Variants in ZNF761 observed in about 807,000 individuals in gnomAD.
ZNF761 encodes the protein zinc finger protein 761.
Under a neutral mutation model 59.9 loss-of-function variants are expected in ZNF761, and 43 were observed. That is an observed-to-expected ratio of 0.72 (90% CI 0.56 to 0.92). The LOEUF (loss-of-function observed/expected upper bound fraction) is 0.92. ZNF761 is among the 40% of genes least tolerant of loss of function. The pLI is 0.00. For synonymous variants in ZNF761, 294 were observed against 304.8 expected, an observed-to-expected ratio of 0.96 and a Z score of 0.37; for missense variants, 850 against 906.1, an observed-to-expected ratio of 0.94 and a Z score of 0.79.
intron 1 of ZNF761, among the ~76,000 whole-genome samples, chr19:53,438,471 G>A (rs1329052205): frequency 1.3e-5 from 2 of 152,208 alleles, no homozygotes; most frequent in African/African-American, 4.8e-5. Flanking sequence ...TGAACATATA[G>A]AAAGACTTAG....
At position 53,457,089 on chromosome 19, in the gene ZNF761, G is replaced by T; in HGVS notation, c.*341G>T. ...GAAACCTTACCAGTGTAATGAGTGT[G>T]GCAAAGCCTTTAGTAGGCAGTCAAC... On this transcript the variant is annotated 3_prime_UTR_variant, in exon 5 of 5. Transcript: ENST00000684525. 1 of 607,834 alleles carries T rather than the reference G, an allele frequency of 1.6e-6. No individual in the cohort carries two copies. The highest frequency in any genetic ancestry group is 2.9e-6 in the Non-Finnish European group (1 of 343,022). 37.7% of individuals were successfully genotyped at this position (607,834 alleles called of 1,614,324 possible). A position where few individuals can be genotyped will look rare whatever the true frequency, so the allele number is the denominator to read the frequency against.
rs1332530941 is a variant in ZNF761 at position 53,447,403 on chromosome 19, C to G, written c.15+120C>G. ...GCCTGACAGGTTTGCTCACATTCAC[C>G]CATGCCTTCCCTCAGTCCCTCTTAT... On this transcript the variant is annotated intron_variant, in intron 3 of 4. Transcript: ENST00000684525. The G allele has an allele frequency of 2.2e-6, 3 of 1,340,304 alleles. No individual in the cohort carries two copies. The African/African-American group carries it at 4.3e-5, about 19-fold the overall frequency. The allele number at this position is 1,340,304 out of a possible 1,614,324, so 83.0% of individuals were successfully genotyped here.
intron 1 of ZNF761, among the ~76,000 whole-genome samples, chr19:53,438,291 G>A (rs1222886224): frequency 6.6e-6 from 1 of 152,228 alleles, no homozygotes; most frequent in African/African-American, 2.4e-5. Flanking sequence ...TGCTGTCCTA[G>A]AGTTAATTTG....
chr19:53,453,987 T>G (rs2086242601), intron 4 of ZNF761, among the ~76,000 whole-genome samples: 1 of 152,200 alleles, frequency 6.6e-6, no homozygotes, highest in South Asian at 2.1e-4. Context: ...ACTTTTTTTT[T>G]TTTTGAGGTA....
In ZNF761 at chr19:53,456,761, G is replaced by C. The variant is rs1265494695; in HGVS notation, c.*13G>C. 1 of 1,612,480 alleles carries C rather than the reference G, an allele frequency of 6.2e-7. No individual in the cohort carries two copies. Among genetic ancestry groups the C allele is most frequent in the Non-Finnish European group, 8.5e-7 (1 of 1,178,940 alleles). ...AAAACAAGTGTAATGAATGTGGTGA[G>C]GTTTTTAATCAACAAGCACACCTTG... On this transcript the variant is annotated 3_prime_UTR_variant, in exon 5 of 5. Transcript: ENST00000684525.
chr19:53,433,258 G>A (rs79030195), intron 1 of ZNF761, among the ~76,000 whole-genome samples: 8,042 of 152,222 alleles, frequency 0.053, 233 homozygotes, highest in Middle Eastern at 0.12. Flanking sequence ...CAGAATAAAA[G>A]CAGTTAATCA....
At chr19:53,447,657 A>G (rs1414622299) in intron 3 of ZNF761, among the ~76,000 whole-genome samples, 1 of 152,178 alleles carries the variant, frequency 6.6e-6, no homozygotes, top group Non-Finnish European at 1.5e-5. Flanking sequence ...TCATGTATTC[A>G]TGTGCACAAA....
In ZNF761 at chr19:53,441,838, T is replaced by C. The variant is rs2086104278; in HGVS notation, c.-184-4389T>C. On this transcript the variant is annotated intron_variant, in intron 1 of 4. Transcript: ENST00000684525. ...CGAGTGGAGGAAGGAGGAACCGGAG[T>C]GTGAGCAGTAGCTGGGTGGGCAGCA... The C allele has an allele frequency of 2.7e-6, 4 of 1,504,494 alleles. No individual in the cohort carries two copies. The South Asian group carries it at 3.4e-5, about 13-fold the overall frequency. 93.2% of individuals were successfully genotyped at this position (1,504,494 alleles called of 1,614,324 possible).
rs1413894085 is a variant in ZNF761 at position 53,448,263 on chromosome 19, A to G, written c.15+980A>G. The stretch of plus-strand genomic sequence containing the variant: ...GGTGATCTGCCCACCGCAGTCTCCC[A>G]GAGTGCTGGGATTACAGGTGTGAGG... On this transcript the variant is annotated intron_variant, in intron 3 of 4. Coordinates refer to ENST00000684525, the MANE Select transcript of ZNF761 (RefSeq NM_001289951.2). 3.9e-5 allele frequency among the ~76,000 whole-genome samples: 6 copies of G among 152,368 alleles called. 1 individual carries two copies. The East Asian group carries it at 1.2e-3, about 29-fold the overall frequency.
At chr19:53,436,151 G>A (rs2086039752) in intron 1 of ZNF761, among the ~76,000 whole-genome samples, 2 of 152,160 alleles carry the variant, frequency 1.3e-5, no homozygotes, top group South Asian at 4.1e-4. Flanking sequence ...TCAGCTGACT[G>A]TGGTGGACCT....
chr19:53,455,024 T>C lies in ZNF761; in HGVS notation c.517T>C (p.Leu173=). ...QVVKSVHDAS[L]VSTAQRISCR... ...TGTGAAGTCTGTCCACGATGCTTCCTTGGTTTCAACAGCCCAAAGAATTTC... is the reference window on the plus strand; with the variant it reads ...TGTGAAGTCTGTCCACGATGCTTCCCTGGTTTCAACAGCCCAAAGAATTTC... The change falls in exon 5 of 5, where the codon TTG becomes CTG. Residue 173 remains leucine, a synonymous_variant. Transcript: ENST00000684525. 1 of 1,614,176 alleles carries C rather than the reference T, an allele frequency of 6.2e-7. No homozygotes were observed. The highest frequency in any genetic ancestry group is 8.5e-7 in the Non-Finnish European group (1 of 1,180,030).
At chr19:53,435,814 C>T (rs1031764963) in intron 1 of ZNF761, among the ~76,000 whole-genome samples, 2 of 152,018 alleles carry the variant, frequency 1.3e-5, no homozygotes, top group African/African-American at 2.4e-5. Context: ...AGGGCCTTGC[C>T]TGGCAGAGGA....
In ZNF761 at chr19:53,455,348, CAG is replaced by C. The variant is rs773490563; in HGVS notation, c.843_844del (p.Gln281HisfsTer9). On this transcript the variant is annotated frameshift_variant, in exon 5 of 5. Coordinates refer to ENST00000684525, the MANE Select transcript of ZNF761 (RefSeq NM_001289951.2). LOFTEE classifies it high-confidence loss of function. Reference sequence around the variant, plus strand: ...TAATGAGTGTGGCAAGACCTTCAGTCAGACGTCATCCCTTACATGCCATCGTA... The same window carrying C: ...TAATGAGTGTGGCAAGACCTTCAGTCACGTCATCCCTTACATGCCATCGTA... ...KCNECGKTFS[Q>X]TSSLTCHRRL... 1 of 1,614,194 alleles carries C rather than the reference CAG, an allele frequency of 6.2e-7. No individual in the cohort carries two copies. The highest frequency in any genetic ancestry group is 1.3e-5 in the African/African-American group (1 of 75,040).
chr19:53,439,440 G>T (rs1454697002), intron 1 of ZNF761, among the ~76,000 whole-genome samples: 1 of 151,936 alleles, frequency 6.6e-6, no homozygotes, highest in Non-Finnish European at 1.5e-5. Context: ...CGAATAGGTG[G>T]GACCACAGGC....
intron 1 of ZNF761, among the ~76,000 whole-genome samples, chr19:53,433,255 A>G (rs1568796455): frequency 1.3e-5 from 2 of 152,202 alleles, no homozygotes; most frequent in Non-Finnish European, 1.5e-5. Context: ...AAGCAGAATA[A>G]AAGCAGTTAA....
chr19:53,455,090 A>C lies in ZNF761; in HGVS notation c.583A>C (p.Asn195His). The C allele has an allele frequency of 1.2e-6, 2 of 1,614,184 alleles. No homozygotes were observed. The highest frequency in any genetic ancestry group is 1.7e-6 in the Non-Finnish European group (2 of 1,180,036). Residue 195 changes from asparagine (N) to histidine (H), a missense_variant, in exon 5 of 5, where the codon AAT (asparagine) becomes CAT (histidine). Physicochemically the swap from Asn to His is moderately conservative, Grantham distance 68. Coordinates refer to ENST00000684525, the MANE Select transcript of ZNF761 (RefSeq NM_001289951.2). ...CCATATATCTAATAACCATGGGAAT[A>C]ATTTCTGGAATTCTTCATTACTCAC... The part of the protein sequence containing the change: ...KTHISNNHGN[N>H]FWNSSLLTQK...
At chr19:53,432,579 C>T (rs544414135) in intron 1 of ZNF761, among the ~76,000 whole-genome samples, 6,143 of 152,202 alleles carry the variant, frequency 0.04, 403 homozygotes, top group African/African-American at 0.14. Context: ...CGGGGTGTTA[C>T]TGCCTGCCCA....
Position 53,457,439 on chromosome 19 carries a change from C to A in ZNF761, c.*691C>A. 2.5e-6 allele frequency: 1 copy of A among 397,838 alleles called. No homozygotes were observed. Among genetic ancestry groups the A allele is most frequent in the Admixed American group, 3.4e-5 (1 of 29,670 alleles). 24.6% of individuals were successfully genotyped at this position (397,838 alleles called of 1,614,324 possible). On this transcript the variant is annotated 3_prime_UTR_variant, in exon 5 of 5. Coordinates refer to ENST00000684525, the MANE Select transcript of ZNF761 (RefSeq NM_001289951.2). The stretch of plus-strand genomic sequence containing the variant: ...TGTGATGATAGTGGCAAAGCCTTCA[C>A]TTCACACCTCATGAGACATCAGAGA...
intron 1 of ZNF761, among the ~76,000 whole-genome samples, chr19:53,433,793 G>A (rs1298127959): frequency 6.6e-6 from 1 of 152,142 alleles, no homozygotes; most frequent in Non-Finnish European, 1.5e-5. Context: ...AGTATGGCTA[G>A]AACTACTCCT....
Sources: gnomAD v4.1 joint callset for allele counts (sites outside exome capture counted in the v4.1 genomes callset) on GRCh38, gnomAD v4.1.1 for gene constraint, MANE v1.5 for transcripts, NCBI Gene and HGNC (gene_info 2026-07-23, HGNC 2026-07-21) for gene names.